RUNX1: variants seen among roughly 807,000 people sequenced by gnomAD.
RUNX1 encodes RUNX family transcription factor 1.
A neutral mutation model predicts 42.8 loss-of-function variants in RUNX1; 19 were observed. The observed-to-expected ratio is 0.44, with a 90% CI of 0.31 to 0.65. The LOEUF (loss-of-function observed/expected upper bound fraction) is 0.65, where lower values mean the gene tolerates loss of function less well. Among genes scored for constraint, RUNX1 ranks in the 30% least tolerant of loss-of-function variants. The probability of loss-of-function intolerance (pLI) is 0.07; values close to 1 mark genes in which losing one functional copy is unlikely to be tolerated. For synonymous variants in RUNX1, 271 were observed against 289.4 expected (o/e 0.94, Z 0.64); for missense variants, 528 against 672.0 (o/e 0.79, Z 2.37).
intron 2 of RUNX1, among the ~76,000 whole-genome samples, chr21:34,967,942 G>A (rs1272716721): frequency 6.6e-6 from 1 of 152,218 alleles, no homozygotes; most frequent in Non-Finnish European, 1.5e-5. Flanking sequence ...GAGGCAACTA[G>A]AGAAACAGTG....
intron 2 of RUNX1, among the ~76,000 whole-genome samples, chr21:34,962,661 A>C (rs995129801): frequency 6.6e-6 from 1 of 152,230 alleles, no homozygotes. Flanking sequence ...TCGGCTATAC[A>C]GTCCAAATCC....
At chr21:35,003,514 G>A (rs2059061507) in intron 2 of RUNX1, among the ~76,000 whole-genome samples, 1 of 141,824 alleles carries the variant, frequency 7.1e-6, no homozygotes, top group Non-Finnish European at 1.6e-5. Context: ...AAGGAGAAAA[G>A]CTGTCTTTTT....
intron 6 of RUNX1, among the ~76,000 whole-genome samples, chr21:34,858,151 A>C (rs1320166299): frequency 6.6e-6 from 1 of 152,236 alleles, no homozygotes; most frequent in African/African-American, 2.4e-5. Flanking sequence ...ACTTTGGGAA[A>C]GTTGATGCAG....
intron 2 of RUNX1, among the ~76,000 whole-genome samples, chr21:34,980,757 A>G (rs2058840774): frequency 6.6e-6 from 1 of 152,234 alleles, no homozygotes. Context: ...CCGTTTCCAA[A>G]GATTTGAATG....
At chr21:35,039,244 T>C (rs1222990059) in intron 2 of RUNX1, among the ~76,000 whole-genome samples, 2 of 152,114 alleles carry the variant, frequency 1.3e-5, no homozygotes, top group East Asian at 3.8e-4. Context: ...ATCCACCTCA[T>C]AAATTCAGTG....
intron 6 of RUNX1, among the ~76,000 whole-genome samples, chr21:34,842,113 T>C (rs2057245289): frequency 6.6e-6 from 1 of 152,174 alleles, no homozygotes; most frequent in Admixed American, 6.5e-5. Context: ...AAGTTGTAAT[T>C]AAAGTTTTCA....
intron 2 of RUNX1, among the ~76,000 whole-genome samples, chr21:34,964,090 G>C (rs541271212): frequency 6.6e-6 from 1 of 152,162 alleles, no homozygotes; most frequent in African/African-American, 2.4e-5. Context: ...AGCCCAGTTG[G>C]GGGATACGTG....
chr21:34,810,435 A>G (rs991657806), intron 7 of RUNX1, among the ~76,000 whole-genome samples: 1 of 152,208 alleles, frequency 6.6e-6, no homozygotes, highest in African/African-American at 2.4e-5. Context: ...TAAACATGAA[A>G]TATGGCTTAA....
chr21:34,927,554 T>C (rs771076645), intron 2 of RUNX1, among the ~76,000 whole-genome samples: 25 of 152,212 alleles, frequency 1.6e-4, no homozygotes, highest in Non-Finnish European at 3.4e-4. Context: ...TCCTGAGCCT[T>C]TTCCTTTGAC....
At chr21:34,927,871 A>G (rs940604848) in intron 2 of RUNX1, among the ~76,000 whole-genome samples, 1 of 152,200 alleles carries the variant, frequency 6.6e-6, no homozygotes, top group African/African-American at 2.4e-5. Flanking sequence ...AGCTCTGGCA[A>G]TGTCTTCTCT....
intron 2 of RUNX1, among the ~76,000 whole-genome samples, chr21:34,924,248 A>G (rs1357788581): frequency 6.6e-6 from 1 of 152,188 alleles, no homozygotes; most frequent in Non-Finnish European, 1.5e-5. Context: ...ATTTCAGTTC[A>G]TCTTTGATGA....
chr21:34,889,589 C>G, intron 3 of RUNX1: 1 of 898,288 alleles, frequency 1.1e-6, no homozygotes, highest in Non-Finnish European at 1.4e-6. Flanking sequence ...CTGCCCGGGC[C>G]CCGCGTCTCC....
intron 2 of RUNX1, among the ~76,000 whole-genome samples, chr21:34,912,054 A>T (rs2058276648): frequency 6.6e-6 from 1 of 151,706 alleles, no homozygotes; most frequent in Non-Finnish European, 1.5e-5. Flanking sequence ...CAAGTGACAG[A>T]GGGAGTGGAT....
At chr21:34,835,428 A>C (rs1294061170) in intron 6 of RUNX1, among the ~76,000 whole-genome samples, 1 of 151,390 alleles carries the variant, frequency 6.6e-6, no homozygotes, top group Non-Finnish European at 1.5e-5. Flanking sequence ...GTGTCTATAT[A>C]GGGTGGGATG....
At chr21:35,016,662 G>C (rs1157342367) in intron 2 of RUNX1, among the ~76,000 whole-genome samples, 1 of 152,124 alleles carries the variant, frequency 6.6e-6, no homozygotes, top group African/African-American at 2.4e-5. Context: ...TGGTCCAGGG[G>C]CTAGTGTAGT....
chr21:34,877,696 C>T (rs935016063), intron 5 of RUNX1, among the ~76,000 whole-genome samples: 6 of 152,126 alleles, frequency 3.9e-5, no homozygotes, highest in Non-Finnish European at 4.4e-5. Flanking sequence ...GGAATGAACC[C>T]GAGGTTAGGA....
At chr21:34,871,153 G>A (rs1227347489) in intron 5 of RUNX1, among the ~76,000 whole-genome samples, 1 of 152,080 alleles carries the variant, frequency 6.6e-6, no homozygotes, top group Admixed American at 6.5e-5. Context: ...CACAGTGCTT[G>A]GGTCTCCGTT....
intron 2 of RUNX1, among the ~76,000 whole-genome samples, chr21:34,972,305 A>G (rs1005364910): frequency 6.6e-6 from 1 of 152,206 alleles, no homozygotes; most frequent in Non-Finnish European, 1.5e-5. Context: ...ATGGCAAAAC[A>G]TTTTCCAATT....
intron 2 of RUNX1, among the ~76,000 whole-genome samples, chr21:34,897,654 T>A (rs2058141272): frequency 6.6e-6 from 1 of 152,224 alleles, no homozygotes; most frequent in Admixed American, 6.5e-5. Flanking sequence ...GGTTTCCATG[T>A]GGAACAACAT....
Sources: allele counts gnomAD v4.1 joint callset (sites outside exome capture counted in the v4.1 genomes callset), GRCh38; gene constraint gnomAD v4.1.1; transcripts MANE v1.5; gene names NCBI Gene and HGNC (gene_info 2026-07-23, HGNC 2026-07-21).